The following HEPH variants were observed in gnomAD, a reference collection of about 807,000 sequenced individuals.
HEPH encodes hephaestin.
HEPH carries 69 observed loss-of-function variants against 80.8 expected under a neutral mutation model. The observed-to-expected ratio is 0.85, with a 90% CI of 0.70 to 1.04. HEPH has a LOEUF of 1.04. Ranked by LOEUF, HEPH falls within the 50% of genes least tolerant of loss-of-function variation. The probability of loss-of-function intolerance (pLI) is 0.00; values close to 1 mark genes in which losing one functional copy is unlikely to be tolerated. For synonymous variants in HEPH, 431 were observed against 322.8 expected (o/e 1.34, Z -3.60); for missense variants, 1,115 against 891.3 (o/e 1.25, Z -3.20).
chrX:66,189,602 CTATT>C, intron 5 of HEPH, 78 bp from the exon 6 acceptor site: 2 of 1,008,723 alleles, frequency 2.0e-6, no homozygotes, highest in East Asian at 3.1e-5. Flanking sequence ...TAAATATTAT[CTATT>C]ATTGTCAAAT....
rs2086277680 is a variant in HEPH at position 66,164,489 on chromosome X, C to A, written c.-14+19C>A. 2 of 751,444 alleles carry A rather than the reference C, an allele frequency of 2.7e-6. No homozygotes were observed. The highest frequency in any genetic ancestry group is 3.1e-6 in the Non-Finnish European group (2 of 636,780). 61.9% of individuals were successfully genotyped at this position (751,444 alleles called of 1,213,427 possible). ...AGCAAAGGTAAGCTTTCTTTTCTCT[C>A]TTTTCAAACTCTACCTCACCTGCCT... On this transcript the variant is annotated intron_variant, in intron 1 of 20. Coordinates refer to ENST00000343002, the MANE Select transcript of HEPH (RefSeq NM_001367233.3).
At position 66,266,784 on chromosome X, in the gene HEPH, A is replaced by AAGGAG. The variant is rs1425948604; in HGVS notation, c.*113_*117dup. 4.3e-6 allele frequency: 2 copies of AAGGAG among 467,119 alleles called. No individual in the cohort carries two copies. The highest frequency in any genetic ancestry group is 7.4e-6 in the Non-Finnish European group (2 of 269,738). The allele number at this position is 467,119 out of a possible 1,213,427, so 38.5% of individuals were successfully genotyped here. A position where few individuals can be genotyped will look rare whatever the true frequency, so the allele number is the denominator to read the frequency against. On this transcript the variant is annotated 3_prime_UTR_variant, in exon 21 of 21. Transcript: ENST00000343002. ...AGGGGCATGGGTGGTGGAGAAGCAG[A>AAGGAG]AGGAGCAATCAAGCTTATCTGGATA... is the stretch of plus-strand genomic sequence containing the variant.
chrX:66,174,358 GAGTAGT>G (rs1319753212), intron 4 of HEPH, among the ~76,000 whole-genome samples: 1 of 111,751 alleles, frequency 8.9e-6, no homozygotes, highest in African/African-American at 3.3e-5. Flanking sequence ...TTTTATTGCT[GAGTAGT>G]AGTCCATCGT....
intron 17 of HEPH, among the ~76,000 whole-genome samples, chrX:66,257,389 C>G (rs1044475728): frequency 8.9e-6 from 1 of 111,884 alleles, no homozygotes; most frequent in African/African-American, 3.2e-5. Context: ...AGTGCTAGCC[C>G]TGGAGATATT....
chrX:66,208,478 G>T (rs1430261903), intron 15 of HEPH, among the ~76,000 whole-genome samples: 1 of 105,546 alleles, frequency 9.5e-6, no homozygotes, highest in Non-Finnish European at 2.0e-5. Context: ...AATTAGCTGG[G>T]TGCAGTGGTG....
At chrX:66,249,900 G>A (rs2090944941) in intron 15 of HEPH, among the ~76,000 whole-genome samples, 2 of 111,621 alleles carry the variant, frequency 1.8e-5, no homozygotes, top group Non-Finnish European at 3.8e-5. Flanking sequence ...TGGGGTGGGA[G>A]TGGTGAAGGG....
chrX:66,171,420 C>T (rs754650878), intron 2 of HEPH, among the ~76,000 whole-genome samples: 1 of 112,095 alleles, frequency 8.9e-6, no homozygotes, highest in African/African-American at 3.2e-5. Context: ...ACCACTCTGT[C>T]CCTCATAGAT....
At chrX:66,244,294 C>G (rs1181115709) in intron 15 of HEPH, among the ~76,000 whole-genome samples, 3 of 111,663 alleles carry the variant, frequency 2.7e-5, no homozygotes, top group Admixed American at 9.5e-5. Flanking sequence ...CTCTCTTTTT[C>G]AGGGTTGTCA....
chrX:66,188,113 G>A (rs1348769894), intron 4 of HEPH, among the ~76,000 whole-genome samples: 1 of 111,497 alleles, frequency 9.0e-6, no homozygotes, highest in Non-Finnish European at 1.9e-5. Context: ...CATAGGCAGG[G>A]ATGGTAGGAG....
At chrX:66,162,680 G>A (rs1034325149), upstream of HEPH, 2 of 1,140,179 alleles carry the variant, frequency 1.8e-6, no homozygotes, top group Admixed American at 5.3e-5. Flanking sequence ...TGCAGTCCAT[G>A]GGGCAGCGCC....
Position 66,200,627 on chromosome X carries a change from CAG to C in HEPH, c.1956_1957del (p.Glu652AspfsTer2). The C allele has an allele frequency of 1.7e-6, 2 of 1,211,134 alleles. No homozygotes were observed. Among genetic ancestry groups the C allele is most frequent in the Non-Finnish European group, 2.2e-6 (2 of 895,099 alleles). On this transcript the variant is annotated frameshift_variant, in exon 12 of 21. Transcript: ENST00000343002. LOFTEE classifies it high-confidence loss of function. ...GCCTGGCACCTGCTCGGCCTGGGCA[CAG>C]AGACTGATGTGCATGGAGTCATGTT...
chrX:66,170,469 G>A (rs952853014), intron 1 of HEPH, 89 bp from the exon 2 acceptor site: 1 of 812,561 alleles, frequency 1.2e-6, no homozygotes, highest in African/African-American at 2.1e-5. Context: ...ACTCAACCTG[G>A]CTCTTGCCTC....
chrX:66,187,203 C>T (rs746163182), intron 4 of HEPH, among the ~76,000 whole-genome samples: 1 of 111,425 alleles, frequency 9.0e-6, no homozygotes, highest in South Asian at 3.8e-4. Flanking sequence ...TTCTCTGGTG[C>T]CTCCCTGATT....
At chrX:66,180,817 A>C (rs1371913938) in intron 4 of HEPH, among the ~76,000 whole-genome samples, 1 of 85,572 alleles carries the variant, frequency 1.2e-5, no homozygotes, top group African/African-American at 4.3e-5. Flanking sequence ...ATCTAGCATT[A>C]GGTATATCTC....
intron 15 of HEPH, among the ~76,000 whole-genome samples, chrX:66,244,450 T>C (rs2090724988): frequency 8.9e-6 from 1 of 112,248 alleles, no homozygotes; most frequent in Non-Finnish European, 1.9e-5. Flanking sequence ...GATTCTGCTG[T>C]TAATACTTGC....
chrX:66,246,818 C>T lies in HEPH; in HGVS notation c.2564-8217C>T, dbSNP rs1300150801. Among the ~76,000 whole-genome samples, 3 of 111,978 alleles carry T rather than the reference C, an allele frequency of 2.7e-5. No homozygotes were observed. The Admixed American group carries it at 2.8e-4, about 11-fold the overall frequency. On this transcript the variant is annotated intron_variant, in intron 15 of 20. Transcript: ENST00000343002. ...TGACATGGTTTCTCTGTTGATTGGC[C>T]TTCAGGGCCAGTGTTTATTAAACTT... is the stretch of plus-strand genomic sequence containing the variant.
chrX:66,224,774 T>C (rs2089806362), intron 15 of HEPH, among the ~76,000 whole-genome samples: 1 of 111,788 alleles, frequency 8.9e-6, no homozygotes, highest in South Asian at 3.8e-4. Context: ...TAATTTACCT[T>C]GGCTTTTAAA....
intron 4 of HEPH, among the ~76,000 whole-genome samples, chrX:66,180,186 G>A (rs1241417399): frequency 9.3e-6 from 1 of 108,067 alleles, no homozygotes; most frequent in Non-Finnish European, 1.9e-5. Context: ...TTTTATTTTT[G>A]TTTCATAGAT....
At chrX:66,230,224 C>G (rs1199575922) in intron 15 of HEPH, among the ~76,000 whole-genome samples, 1 of 88,430 alleles carries the variant, frequency 1.1e-5, no homozygotes, top group Admixed American at 1.2e-4. Context: ...TGAATAATGC[C>G]GCAATAAACA....
Sources: gnomAD v4.1 joint callset for allele counts (sites outside exome capture counted in the v4.1 genomes callset) on GRCh38, gnomAD v4.1.1 for gene constraint, MANE v1.5 for transcripts, NCBI Gene and HGNC (gene_info 2026-07-23, HGNC 2026-07-21) for gene names.